Variants in CCDC7 observed in about 807,000 individuals in gnomAD.
CCDC7 encodes the protein coiled-coil domain-containing protein 7.
CCDC7 carries 183 observed loss-of-function variants against 196.9 expected under a neutral mutation model. The ratio of observed to expected loss-of-function variants is 0.93; its 90% CI spans 0.82 to 1.05. The LOEUF is 1.05. Among genes scored for constraint, CCDC7 ranks in the 50% least tolerant of loss-of-function variants. CCDC7 has a pLI of 0.00. For synonymous variants in CCDC7, 525 were observed against 484.6 expected (o/e 1.08, Z -1.10); for missense variants, 1,540 against 1,482.2 (o/e 1.04, Z -0.64).
chr10:32,874,733 TAC>T (rs1049889345), intron 41 of CCDC7, among the ~76,000 whole-genome samples: 9 of 140,302 alleles, frequency 6.4e-5, no homozygotes, highest in East Asian at 4.2e-4. Context: ...TTTATATATA[TAC>T]ACACACACCA....
At chr10:32,492,622 T>C (rs1219986928) in intron 9 of CCDC7, among the ~76,000 whole-genome samples, 1 of 152,000 alleles carries the variant, frequency 6.6e-6, no homozygotes, top group African/African-American at 2.4e-5. Context: ...TTACATGAGG[T>C]ATCTAGAGTA....
At chr10:32,511,290 A>G (rs1278777781) in intron 9 of CCDC7, 2 of 913,700 alleles carry the variant, frequency 2.2e-6, no homozygotes, top group East Asian at 2.9e-5. Context: ...TACTTTTTGA[A>G]TATGTGTACA....
chr10:32,706,837 C>T (rs910517474), intron 24 of CCDC7, among the ~76,000 whole-genome samples: 3 of 152,110 alleles, frequency 2.0e-5, no homozygotes, highest in Non-Finnish European at 2.9e-5. Flanking sequence ...AATAGCTTAG[C>T]AACCAAAAAA....
At chr10:32,703,527 C>T (rs2079132623) in intron 24 of CCDC7, among the ~76,000 whole-genome samples, 1 of 151,894 alleles carries the variant, frequency 6.6e-6, no homozygotes, top group Admixed American at 6.6e-5. Flanking sequence ...ATCTTTGTGG[C>T]ATTCTCTGTA....
intron 18 of CCDC7, among the ~76,000 whole-genome samples, chr10:32,624,984 G>GTTTTTT (rs35752534): frequency 5.8e-5 from 3 of 51,680 alleles, no homozygotes; most frequent in Non-Finnish European, 1.1e-4. Flanking sequence ...CTTTGCACAA[G>GTTTTTT]TTTTTTTTTT....
intron 21 of CCDC7, among the ~76,000 whole-genome samples, chr10:32,684,192 A>T (rs2076202227): frequency 1.3e-5 from 2 of 152,096 alleles, no homozygotes; most frequent in African/African-American, 4.8e-5. Context: ...TCCACATTTC[A>T]GTATCCTAGA....
chr10:32,827,344 G>T (rs547101653), intron 32 of CCDC7, among the ~76,000 whole-genome samples: 1 of 152,288 alleles, frequency 6.6e-6, no homozygotes, highest in South Asian at 2.1e-4. Flanking sequence ...CCTGGTGGCA[G>T]GTGGCAGGTT....
At chr10:32,649,683 C>T (rs2068386440) in intron 20 of CCDC7, among the ~76,000 whole-genome samples, 1 of 152,156 alleles carries the variant, frequency 6.6e-6, no homozygotes, top group Admixed American at 6.5e-5. Context: ...TACATAATCC[C>T]ATATTTCTGG....
chr10:32,759,173 G>A (rs1045258941), intron 28 of CCDC7, among the ~76,000 whole-genome samples: 2 of 152,100 alleles, frequency 1.3e-5, no homozygotes, highest in South Asian at 4.1e-4. Flanking sequence ...ACTGCCCAAG[G>A]TAATTTATAG....
At chr10:32,796,685 C>T (rs2083609263) in intron 29 of CCDC7, among the ~76,000 whole-genome samples, 1 of 152,158 alleles carries the variant, frequency 6.6e-6, no homozygotes, top group Non-Finnish European at 1.5e-5. Context: ...AGGACCTTTG[C>T]ACTTGCTTTT....
intron 20 of CCDC7, among the ~76,000 whole-genome samples, chr10:32,662,032 C>G (rs1402495045): frequency 1.3e-5 from 2 of 152,250 alleles, no homozygotes; most frequent in African/African-American, 2.4e-5. Context: ...TGCCAGAACT[C>G]AAGTTCCAAC....
chr10:32,792,295 A>C (rs993197690), intron 29 of CCDC7, among the ~76,000 whole-genome samples: 5 of 152,238 alleles, frequency 3.3e-5, no homozygotes, highest in Non-Finnish European at 7.3e-5. Context: ...AAAAAAATCC[A>C]GAATACTGTA....
intron 27 of CCDC7, 40 bp from the exon 29 acceptor site, chr10:32,729,292 A>C: frequency 6.6e-7 from 1 of 1,509,070 alleles, no homozygotes; most frequent in South Asian, 1.3e-5. Context: ...TACTTGGCAT[A>C]TCCAGAAGTT....
At chr10:32,749,617 G>T (rs1463109083) in intron 28 of CCDC7, among the ~76,000 whole-genome samples, 3 of 152,056 alleles carry the variant, frequency 2.0e-5, no homozygotes, top group Non-Finnish European at 2.9e-5. Flanking sequence ...ACAAAAATTA[G>T]AGAAAATATT....
chr10:32,689,025 A>G (rs1334289231), intron 22 of CCDC7, 28 bp from the exon 24 acceptor site: 1 of 1,321,536 alleles, frequency 7.6e-7, no homozygotes, highest in Non-Finnish European at 1.1e-6. Context: ...TTTGTAATTT[A>G]GCGGACTAAA....
intron 18 of CCDC7, among the ~76,000 whole-genome samples, chr10:32,597,457 G>T (rs1206914696): frequency 6.6e-6 from 1 of 152,016 alleles, no homozygotes; most frequent in African/African-American, 2.4e-5. Flanking sequence ...TCTTGCGATG[G>T]GTTCGAACAT....
chr10:32,530,239 G>T (rs1290579902), intron 11 of CCDC7, among the ~76,000 whole-genome samples: 1 of 152,124 alleles, frequency 6.6e-6, no homozygotes, highest in Non-Finnish European at 1.5e-5. Context: ...GCTTAGTCTT[G>T]CTTTGGCTAT....
At chr10:32,659,781 C>G (rs920613114) in intron 20 of CCDC7, among the ~76,000 whole-genome samples, 1 of 152,190 alleles carries the variant, frequency 6.6e-6, no homozygotes, top group African/African-American at 2.4e-5. Context: ...GAGATGCCGT[C>G]TCACACCAAT....
exon 12 of CCDC7, chr10:32,543,371 T>C (rs748213368): frequency 7.1e-7 from 1 of 1,409,840 alleles, no homozygotes; most frequent in South Asian, 1.6e-5. Context: ...AAGGAAAATC[T>C]GAGGATTCAG....
Sources: allele counts gnomAD v4.1 joint callset (sites outside exome capture counted in the v4.1 genomes callset), GRCh38; gene constraint gnomAD v4.1.1; transcripts MANE v1.5; gene names NCBI Gene and HGNC (gene_info 2026-07-23, HGNC 2026-07-21).